Variants in USP15 observed in about 807,000 individuals in gnomAD.
USP15 encodes ubiquitin carboxyl-terminal hydrolase 15.
USP15 carries 18 observed loss-of-function variants against 127.1 expected under a neutral mutation model. The ratio of observed to expected loss-of-function variants is 0.14; its 90% CI spans 0.10 to 0.21. The LOEUF is 0.21. USP15 is among the 10% of genes least tolerant of loss of function. The pLI, the probability that USP15 is intolerant of heterozygous loss-of-function variation, is 1.00. For synonymous variants in USP15, 364 were observed against 393.7 expected, an observed-to-expected ratio of 0.92 and a Z score of 0.89; for missense variants, 805 against 1,159.9, an observed-to-expected ratio of 0.69 and a Z score of 4.44.
intron 1 of USP15, chr12:62,267,092 A>G (rs190733992): frequency 5.9e-5 from 9 of 152,200 alleles, no homozygotes; most frequent in Admixed American, 2.0e-4. Context: ...CTTGTATAGA[A>G]TTTTTCAACA....
intron 4 of USP15, chr12:62,315,126 T>A: frequency 2.5e-6 from 1 of 401,730 alleles, no homozygotes; most frequent in Non-Finnish European, 4.0e-6. Flanking sequence ...ATTTGTGCTG[T>A]TTTGCTTTTT....
intron 1 of USP15, among the ~76,000 whole-genome samples, chr12:62,276,754 C>T (rs555080038): frequency 8.6e-5 from 13 of 151,708 alleles, no homozygotes; most frequent in Non-Finnish European, 5.9e-5. Context: ...TCAAGACTTA[C>T]GTAAATTTTT....
At chr12:62,402,780 A>G (rs911277172) in intron 21 of USP15, among the ~76,000 whole-genome samples, 5 of 152,124 alleles carry the variant, frequency 3.3e-5, no homozygotes, top group African/African-American at 1.2e-4. Context: ...AAACAAGAGA[A>G]TAACATTGTT....
At chr12:62,383,302 A>G (rs1251775876) in intron 9 of USP15, among the ~76,000 whole-genome samples, 3 of 151,928 alleles carry the variant, frequency 2.0e-5, no homozygotes, top group Non-Finnish European at 4.4e-5. Flanking sequence ...TTTGTTTTGC[A>G]TGTGTTTCTG....
intron 6 of USP15, among the ~76,000 whole-genome samples, chr12:62,329,823 T>TA (rs896160499): frequency 3.3e-5 from 5 of 150,962 alleles, no homozygotes; most frequent in Admixed American, 6.6e-5. Flanking sequence ...TCTGTGTACT[T>TA]ACGATGTGAG....
intron 3 of USP15, chr12:62,305,022 T>G (rs2064438203): frequency 1.1e-5 from 2 of 174,754 alleles, no homozygotes; most frequent in Non-Finnish European, 2.4e-5. Context: ...GTCTAAAGCT[T>G]AGAGAGACAA....
At chr12:62,286,034 T>C (rs1014209001) in intron 1 of USP15, among the ~76,000 whole-genome samples, 3 of 152,224 alleles carry the variant, frequency 2.0e-5, no homozygotes, top group African/African-American at 4.8e-5. Flanking sequence ...TAATTAGTGA[T>C]GTGGAATTTT....
chr12:62,349,361 G>A, intron 7 of USP15, 54 bp downstream of exon 7: 2 of 1,201,538 alleles, frequency 1.7e-6, no homozygotes, highest in South Asian at 2.0e-5. Context: ...TATTATGGTT[G>A]CAAAAAATCT....
chr12:62,386,210 T>TCAAATACAAATACAAATACAAATA (rs2067146045), intron 11 of USP15, among the ~76,000 whole-genome samples: 2 of 150,620 alleles, frequency 1.3e-5, no homozygotes, highest in Admixed American at 1.3e-4. Flanking sequence ...CAGTAACAAC[T>TCAAATACAAATACAAATACAAATA]CAAATACAAA....
In USP15 at chr12:62,391,371, C is replaced by T. The variant is rs2067320222; in HGVS notation, c.2175C>T (p.Asn725=). Residue 725 remains asparagine (N), a synonymous_variant, in exon 16 of 22, where the codon AAC becomes AAT. Transcript: ENST00000280377. The part of the protein sequence containing the change: ...QFNNLGNTDI[N]YIKDDTRHIR... ...ACAACTTAGGCAATACTGATATCAA[C>T]TACATCAAAGATGATACCAGGCATA... 5 of 1,612,946 alleles carry T rather than the reference C, an allele frequency of 3.1e-6. No individual in the cohort carries two copies. Among genetic ancestry groups the T allele is most frequent in the Non-Finnish European group, 4.2e-6 (5 of 1,179,482 alleles).
intron 4 of USP15, among the ~76,000 whole-genome samples, chr12:62,317,988 T>C (rs1438185703): frequency 1.3e-5 from 2 of 152,206 alleles, no homozygotes; most frequent in East Asian, 1.9e-4. Flanking sequence ...ATGACCTGTA[T>C]TAATATTTTT....
At chr12:62,396,453 C>CT in intron 20 of USP15, 55 bp downstream of exon 20, 1 of 1,436,108 alleles carries the variant, frequency 7.0e-7, no homozygotes, top group East Asian at 2.3e-5. Flanking sequence ...GAACTCCAGA[C>CT]TTTTTTCTTT....
chr12:62,338,574 T>C (rs1466386450), intron 6 of USP15, among the ~76,000 whole-genome samples: 1 of 152,210 alleles, frequency 6.6e-6, no homozygotes, highest in Non-Finnish European at 1.5e-5. Flanking sequence ...TGAATGGTAT[T>C]GCCTAGGTTT....
chr12:62,371,220 A>G (rs988603984), intron 8 of USP15, among the ~76,000 whole-genome samples: 2 of 152,166 alleles, frequency 1.3e-5, no homozygotes, highest in East Asian at 3.8e-4. Flanking sequence ...ACTACTTTCA[A>G]TTCTTAGAAT....
In USP15 at chr12:62,384,084, G is replaced by T. The variant is rs1268540456; in HGVS notation, c.1255G>T (p.Ala419Ser). The T allele has an allele frequency of 6.2e-7, 1 of 1,612,108 alleles. No individual in the cohort carries two copies. The highest frequency in any genetic ancestry group is 8.5e-7 in the Non-Finnish European group (1 of 1,179,114). ...GTGTCTATTATCCTTGTAGGTGGTT[G>T]CCGAAGAAGCCTGGGAAAACCATTT... ...DADGRPDKVV[A>S]EEAWENHLKR... The change falls in exon 11 of 22, where the codon GCC becomes TCC. Residue 419 changes from alanine to serine, a missense_variant. This residue lies in a region of USP15 where 84 missense variants were observed against 210.3 expected (regional missense o/e 0.40). Coordinates refer to ENST00000280377, the MANE Select transcript of USP15 (RefSeq NM_001252078.2).
rs774178172 is a variant in USP15 at position 62,392,252 on chromosome 12, C to A, written c.2305-20C>A. On this transcript the variant is annotated intron_variant, in intron 17 of 21. Transcript: ENST00000280377. ...TTTTGTTTCATTTGTTCTCTTAACTCAAGAAATACTTCTCTTTAGGACTTT... is the reference window on the plus strand; with the variant it reads ...TTTTGTTTCATTTGTTCTCTTAACTAAAGAAATACTTCTCTTTAGGACTTT... The A allele has an allele frequency of 2.4e-5, 36 of 1,505,168 alleles. No individual in the cohort carries two copies. Among genetic ancestry groups the A allele is most frequent in the Non-Finnish European group, 3.0e-5 (33 of 1,098,282 alleles). The allele number at this position is 1,505,168 out of a possible 1,614,324, so 93.2% of individuals were successfully genotyped here.
chr12:62,357,335 G>C (rs1301055860), intron 8 of USP15, among the ~76,000 whole-genome samples: 3 of 152,042 alleles, frequency 2.0e-5, no homozygotes, highest in Non-Finnish European at 4.4e-5. Flanking sequence ...CTTTTAACCA[G>C]CTAGGTTAAG....
intron 8 of USP15, among the ~76,000 whole-genome samples, chr12:62,359,537 T>A (rs1330710866): frequency 6.6e-6 from 1 of 152,174 alleles, no homozygotes; most frequent in Admixed American, 6.6e-5. Context: ...CATCTTTTTT[T>A]AAAATTCAAC....
At chr12:62,334,376 A>G (rs912070083) in intron 6 of USP15, among the ~76,000 whole-genome samples, 2 of 152,142 alleles carry the variant, frequency 1.3e-5, no homozygotes, top group African/African-American at 2.4e-5. Flanking sequence ...TGTGTTATCA[A>G]ATATTATATG....
Sources: gnomAD v4.1 joint callset for allele counts (sites outside exome capture counted in the v4.1 genomes callset) on GRCh38, gnomAD v4.1.1 for gene constraint, gnomAD v4.1.1 regional missense constraint, MANE v1.5 for transcripts, NCBI Gene and HGNC (gene_info 2026-07-23, HGNC 2026-07-21) for gene names.